GLIS3: variants seen among roughly 807,000 people sequenced by gnomAD.
GLIS3 encodes the protein zinc finger protein GLIS3.
Under a neutral mutation model 78.6 loss-of-function variants are expected in GLIS3, and 53 were observed. The observed-to-expected ratio is 0.67, with a 90% CI of 0.54 to 0.85. GLIS3 has a LOEUF of 0.85. Ranked by LOEUF, GLIS3 falls within the 40% of genes least tolerant of loss-of-function variation. The pLI is 0.00. For synonymous variants in GLIS3, 684 were observed against 509.9 expected, an observed-to-expected ratio of 1.34 and a Z score of -4.60; for missense variants, 1,703 against 1,231.1, an observed-to-expected ratio of 1.38 and a Z score of -5.74.
At chr9:3,921,532 G>A (rs1006034421) in intron 6 of GLIS3, among the ~76,000 whole-genome samples, 3 of 152,184 alleles carry the variant, frequency 2.0e-5, no homozygotes, top group Admixed American at 2.0e-4. Flanking sequence ...ATGGGAGAAA[G>A]CTGGAGTTTA....
At chr9:4,244,530 G>C (rs751391992) in intron 2 of GLIS3, among the ~76,000 whole-genome samples, 2 of 152,180 alleles carry the variant, frequency 1.3e-5, no homozygotes, top group African/African-American at 4.8e-5. Flanking sequence ...TAAAACTGCT[G>C]CTGAATCAGA....
chr9:4,179,017 A>G (rs563936434), intron 2 of GLIS3, among the ~76,000 whole-genome samples: 68 of 152,368 alleles, frequency 4.5e-4, no homozygotes, highest in South Asian at 1.0e-3. Flanking sequence ...TTTTTGTTAT[A>G]TAACTTGGCA....
the GLIS3 span, among the ~76,000 whole-genome samples, chr9:4,488,669 G>A: frequency 6.6e-6 from 1 of 151,938 alleles, no homozygotes; most frequent in African/African-American, 2.4e-5. Context: ...ACAGGTGCAT[G>A]GCCCTAAACC....
At chr9:4,283,695 T>C (rs1827753062) in intron 2 of GLIS3, among the ~76,000 whole-genome samples, 1 of 152,234 alleles carries the variant, frequency 6.6e-6, no homozygotes, top group Admixed American at 6.5e-5. Flanking sequence ...TCAATAATTA[T>C]TTGTAGAGTA....
intron 2 of GLIS3, among the ~76,000 whole-genome samples, chr9:4,241,849 G>C (rs1358801231): frequency 6.6e-6 from 1 of 151,982 alleles, no homozygotes; most frequent in African/African-American, 2.4e-5. Context: ...TGCCCAGCTA[G>C]TGGTTTTATT....
intron 2 of GLIS3, among the ~76,000 whole-genome samples, chr9:4,244,495 GTTTT>G (rs1042875053): frequency 6.6e-6 from 1 of 152,188 alleles, no homozygotes; most frequent in African/African-American, 2.4e-5. Flanking sequence ...ATTGGAAAGA[GTTTT>G]TTTAAGGTGA....
rs148619886 is a variant in GLIS3 at position 3,966,102 on chromosome 9, C to G, written c.1711-28913G>C. 6.3e-3 allele frequency among the ~76,000 whole-genome samples: 961 copies of G among 152,304 alleles called. 11 individuals are homozygous for G. Among genetic ancestry groups the G allele is most frequent in the African/African-American group, 0.022 (909 of 41,564 alleles). ...CTTTTGTTCATTCTTAAACTTTAAT[C>G]TAGAGTATAAGCTCTAAGAGGGAAG... On this transcript the variant is annotated intron_variant, in intron 4 of 10. Coordinates refer to ENST00000381971, the MANE Select transcript of GLIS3 (RefSeq NM_001042413.2).
chr9:4,082,654 T>C (rs1828655756), intron 4 of GLIS3, among the ~76,000 whole-genome samples: 1 of 152,154 alleles, frequency 6.6e-6, no homozygotes, highest in Non-Finnish European at 1.5e-5. Flanking sequence ...TCACGAAACT[T>C]TGATCAGTGT....
At chr9:3,908,779 A>G (rs1200629287) in intron 6 of GLIS3, among the ~76,000 whole-genome samples, 1 of 124,932 alleles carries the variant, frequency 8.0e-6, no homozygotes, top group Non-Finnish European at 1.6e-5. Context: ...AAGAGATGGA[A>G]ATTTTACTCC....
intron 2 of GLIS3, among the ~76,000 whole-genome samples, chr9:4,207,968 G>C (rs917513478): frequency 6.6e-6 from 1 of 152,122 alleles, no homozygotes; most frequent in African/African-American, 2.4e-5. Flanking sequence ...AACCACGTTG[G>C]GGGTAGCGGT....
chr9:3,963,215 ACT>A (rs1817696834), intron 4 of GLIS3, among the ~76,000 whole-genome samples: 1 of 151,948 alleles, frequency 6.6e-6, no homozygotes, highest in Non-Finnish European at 1.5e-5. Context: ...AAAAAATAAG[ACT>A]CTTCCCAAAC....
chr9:4,071,677 G>T (rs990590546), intron 4 of GLIS3: 2 of 152,154 alleles, frequency 1.3e-5, no homozygotes, highest in African/African-American at 4.8e-5. Context: ...ACTATTACAT[G>T]TCTGTTCCCA....
intron 2 of GLIS3, among the ~76,000 whole-genome samples, chr9:4,207,858 A>T (rs1563757004): frequency 6.6e-6 from 1 of 152,212 alleles, no homozygotes; most frequent in Non-Finnish European, 1.5e-5. Context: ...TCTTTTTAAG[A>T]TCACTTTTGG....
At chr9:4,450,243 T>G in the GLIS3 span, among the ~76,000 whole-genome samples, 1 of 151,966 alleles carries the variant, frequency 6.6e-6, no homozygotes. Context: ...AAAGAAAGGG[T>G]ATCAGTGATT....
At chr9:4,399,276 T>C in the GLIS3 span, among the ~76,000 whole-genome samples, 2 of 152,234 alleles carry the variant, frequency 1.3e-5, no homozygotes, top group African/African-American at 4.8e-5. Context: ...CCCATGTATA[T>C]ATTATTTATC....
intron 2 of GLIS3, among the ~76,000 whole-genome samples, chr9:4,160,357 GAA>G (rs1421672957): frequency 6.6e-6 from 1 of 152,320 alleles, no homozygotes; most frequent in East Asian, 1.9e-4. Context: ...ATATGTGTGG[GAA>G]ATAGGAACTC....
rs185142762 is a variant in GLIS3 at position 4,252,386 on chromosome 9, G to A, written c.388+33652C>T. Among the ~76,000 whole-genome samples, 36 of 151,610 alleles carry A rather than the reference G, an allele frequency of 2.4e-4. No homozygotes were observed. In the East Asian group the frequency reaches 5.3e-3, roughly 22 times the overall value. On this transcript the variant is annotated intron_variant, in intron 2 of 10. Transcript: ENST00000381971. ...TTTAATCTCTGACATCCTTTCTTCC[G>A]CTTGATCAATTCAGCCACTGATACG...
chr9:3,952,233 TA>T (rs1367763035), intron 4 of GLIS3, among the ~76,000 whole-genome samples: 22 of 152,276 alleles, frequency 1.4e-4, no homozygotes, highest in Admixed American at 1.3e-3. Flanking sequence ...AATACTTGTT[TA>T]GGGGGAAAAA....
At chr9:4,138,322 C>T (rs994800563) in intron 2 of GLIS3, among the ~76,000 whole-genome samples, 1 of 152,144 alleles carries the variant, frequency 6.6e-6, no homozygotes, top group South Asian at 2.1e-4. Flanking sequence ...GGTCCTAGGC[C>T]GTACAGCTAG....
Sources: allele counts gnomAD v4.1 joint callset (sites outside exome capture counted in the v4.1 genomes callset), GRCh38; gene constraint gnomAD v4.1.1; transcripts MANE v1.5; gene names NCBI Gene and HGNC (gene_info 2026-07-23, HGNC 2026-07-21).